CLCC1: variants seen among roughly 807,000 people sequenced by gnomAD.
CLCC1 encodes the protein chloride channel CLIC like 1.
Under a neutral mutation model 63.3 loss-of-function variants are expected in CLCC1, and 39 were observed. The ratio of observed to expected loss-of-function variants is 0.62; its 90% CI spans 0.48 to 0.81. CLCC1 has a LOEUF of 0.81. Ranked by LOEUF, CLCC1 falls within the 30% of genes least tolerant of loss-of-function variation. The probability of loss-of-function intolerance (pLI) is 0.00; values close to 1 mark genes in which losing one functional copy is unlikely to be tolerated. For missense variants in CLCC1, 549 were observed against 669.4 expected, an observed-to-expected ratio of 0.82 and a Z score of 1.98; for synonymous variants, 217 against 239.8, an observed-to-expected ratio of 0.90 and a Z score of 0.88.
chr1:108,949,223 C>T (rs934003620), intron 4 of CLCC1, among the ~76,000 whole-genome samples: 3 of 152,242 alleles, frequency 2.0e-5, no homozygotes, highest in Non-Finnish European at 4.4e-5. Context: ...TTCCAGGCCT[C>T]ACCTCCTTAC....
Position 108,934,775 on chromosome 1 carries a change from G to A in CLCC1, c.1551C>T (p.Leu517=), listed in dbSNP as rs1291573700. The change falls in exon 12 of 13, where the codon CTC becomes CTT. Residue 517 remains leucine (L), a synonymous_variant. Coordinates refer to ENST00000369969, the MANE Select transcript of CLCC1 (RefSeq NM_001377458.1). ...EGSPAAEKAQ[L]KSEAAGSPDQ... ...CTGGGCTGCCTGCGGCTTCAGACTT[G>A]AGCTGGGCCTTTTCCGCTGCGGGTG... The A allele has an allele frequency of 6.2e-7, 1 of 1,614,172 alleles. No individual in the cohort carries two copies. The highest frequency in any genetic ancestry group is 2.2e-5 in the East Asian group (1 of 44,878).
chr1:108,929,935 C>T lies in CLCC1; in HGVS notation c.*2612G>A, dbSNP rs1557884806. 6.2e-7 allele frequency: 1 copy of T among 1,612,854 alleles called. No individual in the cohort carries two copies. Among genetic ancestry groups the T allele is most frequent in the Non-Finnish European group, 8.5e-7 (1 of 1,179,022 alleles). On this transcript the variant is annotated 3_prime_UTR_variant, in exon 13 of 13. Transcript: ENST00000369969. ...AAATTCAGGGAAAAAATCGGCAGAC[C>T]ATTAGTTACTATGGATTTATTTTTT...
rs777516707 is a variant in CLCC1 at position 108,943,517 on chromosome 1, G to A, written c.660C>T (p.Ser220=). 1 of 1,614,050 alleles carries A rather than the reference G, an allele frequency of 6.2e-7. No individual in the cohort carries two copies. The highest frequency in any genetic ancestry group is 2.2e-5 in the East Asian group (1 of 44,878). Residue 220 remains serine (S), a synonymous_variant, in exon 7 of 13, where the codon AGC becomes AGT. Transcript: ENST00000369969. The stretch of plus-strand genomic sequence containing the variant: ...AATTCCATCCCAAACTGAACAGAAA[G>A]CTGATGATTAAAACACGTCTCAACT... The part of the protein sequence containing the change: ...YTQLRRVLII[S]FLFSLGWNWM...
chr1:108,947,731 A>T lies in CLCC1; in HGVS notation c.232-13T>A. On this transcript the variant is annotated splice_polypyrimidine_tract_variant and intron_variant, in intron 4 of 12. Transcript: ENST00000369969. ...CACACTCATCAATCTGTAACCATAA[A>T]ATCAATTCAACATTAGTTAGAGTCA... 1 of 1,534,886 alleles carries T rather than the reference A, an allele frequency of 6.5e-7. No homozygotes were observed. Among genetic ancestry groups the T allele is most frequent in the Non-Finnish European group, 9.0e-7 (1 of 1,116,154 alleles).
intron 7 of CLCC1, among the ~76,000 whole-genome samples, 173 bp downstream of exon 7, chr1:108,943,302 G>A (rs1356379996): frequency 3.3e-5 from 5 of 152,136 alleles, no homozygotes; most frequent in African/African-American, 1.2e-4. Flanking sequence ...ACTGGTCAAG[G>A]AATCAAAAAA....
rs1250560345 is a variant in CLCC1 at position 108,934,638 on chromosome 1, G to A, written c.*32C>T. On this transcript the variant is annotated 3_prime_UTR_variant, in exon 12 of 13. Transcript: ENST00000369969. ...AGTATACTTTACAAAGCTCGAAGGAGACTTGAGGCTGTCGTTTGTGCTGGT... is the reference window on the plus strand; with the variant it reads ...AGTATACTTTACAAAGCTCGAAGGAAACTTGAGGCTGTCGTTTGTGCTGGT... 4 of 1,601,796 alleles carry A rather than the reference G, an allele frequency of 2.5e-6. No homozygotes were observed. The highest frequency in any genetic ancestry group is 2.6e-6 in the Non-Finnish European group (3 of 1,173,176).
At chr1:108,937,482 A>G in intron 10 of CLCC1, 64 bp from the exon 11 acceptor site, 1 of 1,312,758 alleles carries the variant, frequency 7.6e-7, no homozygotes, top group Non-Finnish European at 1.0e-6. Flanking sequence ...GTTATGAGGC[A>G]TTTTATTCAG....
intron 2 of CLCC1, among the ~76,000 whole-genome samples, chr1:108,957,022 A>G (rs1656008937): frequency 6.6e-6 from 1 of 151,320 alleles, no homozygotes; most frequent in Non-Finnish European, 1.5e-5. Context: ...TCTAAAAGAC[A>G]TTACTATGGC....
chr1:108,934,660 TG>T lies in CLCC1; in HGVS notation c.*9del. The T allele has an allele frequency of 6.2e-7, 1 of 1,609,428 alleles. No homozygotes were observed. The highest frequency in any genetic ancestry group is 2.2e-5 in the East Asian group (1 of 44,778). Reference sequence around the variant, plus strand: ...GGAGACTTGAGGCTGTCGTTTGTGCTGGTGTTCCTCTAGCCACAGGGGCTGC... The same window carrying T: ...GGAGACTTGAGGCTGTCGTTTGTGCTGTGTTCCTCTAGCCACAGGGGCTGC... On this transcript the variant is annotated 3_prime_UTR_variant, in exon 12 of 13. Coordinates refer to ENST00000369969, the MANE Select transcript of CLCC1 (RefSeq NM_001377458.1).
intron 8 of CLCC1, among the ~76,000 whole-genome samples, chr1:108,940,934 G>C (rs1422375945): frequency 6.6e-6 from 1 of 152,034 alleles, no homozygotes; most frequent in Non-Finnish European, 1.5e-5. Context: ...ACATTCATGA[G>C]AATGTTTATA....
rs1208467307 is a variant in CLCC1 at position 108,932,173 on chromosome 1, C to T, written c.*374G>A. 1 of 152,202 alleles carries T rather than the reference C, an allele frequency of 6.6e-6. No individual in the cohort carries two copies. Among genetic ancestry groups the T allele is most frequent in the South Asian group, 2.1e-4 (1 of 4,832 alleles). 9.4% of individuals were successfully genotyped at this position (152,202 alleles called of 1,614,324 possible). A position where few individuals can be genotyped will look rare whatever the true frequency, so the allele number is the denominator to read the frequency against. ...TCTGTAATCCTAGCTACTCGGGAGA[C>T]TGAGGCAGGAGAATCTCTTGAACCT... On this transcript the variant is annotated 3_prime_UTR_variant, in exon 13 of 13. Coordinates refer to ENST00000369969, the MANE Select transcript of CLCC1 (RefSeq NM_001377458.1).
chr1:108,948,450 G>T (rs1056970215), intron 4 of CLCC1, among the ~76,000 whole-genome samples: 1 of 152,136 alleles, frequency 6.6e-6, no homozygotes, highest in African/African-American at 2.4e-5. Context: ...TCATCAACTT[G>T]CATTTTTTAA....
chr1:108,954,818 G>C (rs755757666), intron 2 of CLCC1, among the ~76,000 whole-genome samples: 1 of 26,334 alleles, frequency 3.8e-5, no homozygotes, highest in Non-Finnish European at 8.2e-5. Context: ...CTGTCTTTGC[G>C]TGTGTGTGTG....
At chr1:108,945,236 G>A (rs893787147) in intron 5 of CLCC1, among the ~76,000 whole-genome samples, 1 of 151,976 alleles carries the variant, frequency 6.6e-6, no homozygotes, top group Non-Finnish European at 1.5e-5. Context: ...TGGCCTTCTT[G>A]CACTTAGAAA....
intron 2 of CLCC1, among the ~76,000 whole-genome samples, chr1:108,959,911 C>T (rs1042803650): frequency 3.3e-5 from 5 of 152,198 alleles, no homozygotes; most frequent in African/African-American, 1.2e-4. Flanking sequence ...AGGAGGAACA[C>T]TTGAGCCCAG....
At chr1:108,951,122 C>T (rs1655125973) in intron 2 of CLCC1, among the ~76,000 whole-genome samples, 1 of 152,156 alleles carries the variant, frequency 6.6e-6, no homozygotes, top group East Asian at 1.9e-4. Context: ...TTTCCATCAA[C>T]AGGGCCAGGT....
intron 2 of CLCC1, among the ~76,000 whole-genome samples, chr1:108,951,333 G>A (rs1205757972): frequency 6.6e-6 from 1 of 152,210 alleles, no homozygotes; most frequent in Non-Finnish European, 1.5e-5. Flanking sequence ...AGTGAGCCAA[G>A]ATCACACCAC....
chr1:108,935,103 C>T (rs1652694422), intron 11 of CLCC1, among the ~76,000 whole-genome samples, 161 bp from the exon 12 acceptor site: 2 of 152,176 alleles, frequency 1.3e-5, no homozygotes, highest in Admixed American at 1.3e-4. Context: ...TGTTATTATA[C>T]CTCACCAAAC....
At chr1:108,939,213 T>C (rs1178300001) in intron 10 of CLCC1, among the ~76,000 whole-genome samples, 1 of 145,850 alleles carries the variant, frequency 6.9e-6, no homozygotes, top group Non-Finnish European at 1.5e-5. Flanking sequence ...ATATATAATA[T>C]ATAAATATAT....
Sources: gnomAD v4.1 joint callset for allele counts (sites outside exome capture counted in the v4.1 genomes callset) on GRCh38, gnomAD v4.1.1 for gene constraint, MANE v1.5 for transcripts, NCBI Gene and HGNC (gene_info 2026-07-23, HGNC 2026-07-21) for gene names.